The following ADCY2 variants were observed in gnomAD, a reference collection of about 807,000 sequenced individuals.
ADCY2 encodes adenylate cyclase 2.
ADCY2 carries 31 observed loss-of-function variants against 125.2 expected under a neutral mutation model. That is an observed-to-expected ratio of 0.25 (90% CI 0.19 to 0.33). The LOEUF (loss-of-function observed/expected upper bound fraction) is 0.33. ADCY2 is among the 10% of genes least tolerant of loss of function. ADCY2 has a pLI of 1.00. For missense variants in ADCY2, 904 were observed against 1,418.2 expected (o/e 0.64, Z 5.82); for synonymous variants, 512 against 548.4 (o/e 0.93, Z 0.93).
At chr5:7,798,550 G>A (rs746563693) in intron 20 of ADCY2, 1 of 151,688 alleles carries the variant, frequency 6.6e-6, no homozygotes, top group East Asian at 1.9e-4. Context: ...CAGGTACAAC[G>A]AGGGCAAGAG....
intron 2 of ADCY2, among the ~76,000 whole-genome samples, chr5:7,425,019 G>A (rs543836179): frequency 1.3e-5 from 2 of 152,212 alleles, no homozygotes; most frequent in Admixed American, 6.5e-5. Flanking sequence ...CCAGCCACTC[G>A]CCAGCTTCTC....
chr5:7,397,858 C>T (rs1417453779), intron 1 of ADCY2, among the ~76,000 whole-genome samples: 1 of 152,088 alleles, frequency 6.6e-6, no homozygotes, highest in African/African-American at 2.4e-5. Flanking sequence ...AACTTTTGAT[C>T]CCTGTAGTCT....
At chr5:7,740,944 G>A (rs891750463) in intron 14 of ADCY2, among the ~76,000 whole-genome samples, 7 of 151,736 alleles carry the variant, frequency 4.6e-5, no homozygotes, top group East Asian at 1.9e-4. Context: ...AAGTTGAATC[G>A]GAAACTAATT....
At chr5:7,775,494 A>G (rs1301550855) in intron 18 of ADCY2, among the ~76,000 whole-genome samples, 3 of 151,326 alleles carry the variant, frequency 2.0e-5, no homozygotes, top group Non-Finnish European at 4.4e-5. Flanking sequence ...AGGTTCAAGC[A>G]ATTCTCCTGC....
intron 16 of ADCY2, among the ~76,000 whole-genome samples, chr5:7,761,971 A>T (rs1231984135): frequency 6.6e-6 from 1 of 152,118 alleles, no homozygotes; most frequent in African/African-American, 2.4e-5. Context: ...CTTGAGGTGT[A>T]TTTCTTTCTC....
At chr5:7,625,287 A>T (rs1448786984) in intron 3 of ADCY2, among the ~76,000 whole-genome samples, 6 of 152,240 alleles carry the variant, frequency 3.9e-5, no homozygotes, top group Non-Finnish European at 8.8e-5. Context: ...TACATGAGCT[A>T]AAAAATATTT....
rs141117227 is a variant in ADCY2, at chr5:7,746,567, G to A, written c.1956+2815G>A. On this transcript the variant is annotated intron_variant, in intron 15 of 24. Transcript: ENST00000338316. ...TCCGCAGTGGTCGTGGAGAAACATT[G>A]TCACTTCCTAAGTGCTCATTCCCTG... Among the ~76,000 whole-genome samples the A allele has an allele frequency of 4.4e-3, 675 of 152,302 alleles. 2 individuals carry two copies. Among genetic ancestry groups the A allele is most frequent in the Non-Finnish European group, 4.9e-3 (334 of 68,030 alleles).
intron 22 of ADCY2, among the ~76,000 whole-genome samples, chr5:7,805,554 G>A (rs1744734309): frequency 6.6e-6 from 1 of 152,152 alleles, no homozygotes; most frequent in Non-Finnish European, 1.5e-5. Flanking sequence ...CAGGACAGTG[G>A]CCTTTGCTGT....
At chr5:7,467,237 C>T (rs1188649084) in intron 2 of ADCY2, among the ~76,000 whole-genome samples, 2 of 152,194 alleles carry the variant, frequency 1.3e-5, no homozygotes, top group Non-Finnish European at 2.9e-5. Context: ...ACAATGACAA[C>T]AAACAGGTTC....
chr5:7,492,894 A>T (rs1743214086), intron 2 of ADCY2, among the ~76,000 whole-genome samples: 1 of 152,154 alleles, frequency 6.6e-6, no homozygotes, highest in African/African-American at 2.4e-5. Context: ...TGCAGTAGTG[A>T]TGCTGTGGCT....
intron 3 of ADCY2, among the ~76,000 whole-genome samples, chr5:7,620,037 C>T (rs1283671004): frequency 6.6e-6 from 1 of 152,146 alleles, no homozygotes; most frequent in Admixed American, 6.5e-5. Flanking sequence ...TTCCTGTTGG[C>T]TTTTAAAGAG....
intron 20 of ADCY2, among the ~76,000 whole-genome samples, chr5:7,791,733 C>A (rs1744253251): frequency 6.6e-6 from 1 of 152,124 alleles, no homozygotes; most frequent in African/African-American, 2.4e-5. Context: ...CCATGTTTCC[C>A]CTGCCCTGTA....
At chr5:7,745,985 C>T (rs949721530) in intron 15 of ADCY2, among the ~76,000 whole-genome samples, 5 of 152,214 alleles carry the variant, frequency 3.3e-5, no homozygotes, top group African/African-American at 1.2e-4. Context: ...CTTTCAGCCT[C>T]GCTGGAATCC....
Position 7,789,740 on chromosome 5 carries a change from G to A in ADCY2, c.2568G>A (p.Leu856=). 6.2e-7 allele frequency: 1 copy of A among 1,613,724 alleles called. No individual in the cohort carries two copies. The highest frequency in any genetic ancestry group is 2.2e-5 in the East Asian group (1 of 44,854). Residue 856 remains leucine (L), a synonymous_variant, in exon 20 of 25, where the codon CTG becomes CTA. Transcript: ENST00000338316. ...ETMENLNRVL[L]ENVLPAHVAE... is the part of the protein sequence containing the mutation. ...TGGAGAACCTGAACCGCGTGCTGCT[G>A]GAGAACGTGCTTCCCGCGCACGTGG...
chr5:7,826,618 T>A (rs768060354), intron 24 of ADCY2, 101 bp from the exon 25 acceptor site: 3 of 1,500,190 alleles, frequency 2.0e-6, no homozygotes, highest in Non-Finnish European at 9.3e-7. Context: ...AATTCCTGGG[T>A]CAAAGAGCAT....
intron 2 of ADCY2, among the ~76,000 whole-genome samples, chr5:7,495,671 C>G (rs1014990174): frequency 6.6e-6 from 1 of 152,130 alleles, no homozygotes; most frequent in Non-Finnish European, 1.5e-5. Flanking sequence ...TGCAGTTGGT[C>G]TCATTACAAG....
Position 7,678,092 on chromosome 5 carries a change from AT to A in ADCY2, c.721-12593del, listed in dbSNP as rs573484343. ...TACTTATTCAAATTAATCAATAAATATTTTTTAATGTAATATAGCATTTTCT... is the reference window on the plus strand; with the variant it reads ...TACTTATTCAAATTAATCAATAAATATTTTTAATGTAATATAGCATTTTCT... On this transcript the variant is annotated intron_variant, in intron 4 of 24. Transcript: ENST00000338316. Among the ~76,000 whole-genome samples the A allele has an allele frequency of 2.0e-4, 30 of 152,330 alleles. 1 individual carries two copies. In the South Asian group the frequency reaches 5.8e-3, roughly 29 times the overall value.
chr5:7,792,020 G>T (rs569392711), intron 20 of ADCY2, among the ~76,000 whole-genome samples: 1 of 152,108 alleles, frequency 6.6e-6, no homozygotes, highest in South Asian at 2.1e-4. Context: ...CCAGGAAAGT[G>T]CCTAATTCAA....
intron 1 of ADCY2, among the ~76,000 whole-genome samples, chr5:7,404,640 C>G (rs1739402503): frequency 6.6e-6 from 1 of 152,208 alleles, no homozygotes; most frequent in Admixed American, 6.5e-5. Context: ...CACTTTCATT[C>G]ATTTTTTTAT....
Sources: gnomAD v4.1 joint callset for allele counts (sites outside exome capture counted in the v4.1 genomes callset) on GRCh38, gnomAD v4.1.1 for gene constraint, MANE v1.5 for transcripts, NCBI Gene and HGNC (gene_info 2026-07-23, HGNC 2026-07-21) for gene names.